MTUS2: variants seen among roughly 807,000 people sequenced by gnomAD.
MTUS2 encodes microtubule associated scaffold protein 2, also known as microtubule-associated tumor suppressor candidate 2.
In MTUS2, 40 loss-of-function variants were observed where a neutral mutation model predicts 114.1. The ratio of observed to expected loss-of-function variants is 0.35; its 90% CI spans 0.27 to 0.46. The LOEUF (loss-of-function observed/expected upper bound fraction) is 0.46, where lower values mean the gene tolerates loss of function less well. MTUS2 is among the 20% of genes least tolerant of loss of function. The pLI, the probability that MTUS2 is intolerant of heterozygous loss-of-function variation, is 1.00. For synonymous variants in MTUS2, 688 were observed against 672.0 expected (o/e 1.02, Z -0.37); for missense variants, 1,679 against 1,705.4 (o/e 0.98, Z 0.27).
intron 5 of MTUS2, among the ~76,000 whole-genome samples, chr13:29,228,065 C>T (rs183347577): frequency 2.6e-5 from 4 of 152,106 alleles, no homozygotes; most frequent in African/African-American, 7.2e-5. Context: ...CAATCTTACT[C>T]CTAAGAATCT....
chr13:29,504,602 A>C lies in MTUS2; in HGVS notation c.*1396A>C, dbSNP rs2139038685. Reference sequence around the variant, plus strand: ...AGGGGGCACCAGCTCCTGGACTGGCATCTGTCTCTAAAATGGTAGAATTAG... The same window carrying C: ...AGGGGGCACCAGCTCCTGGACTGGCCTCTGTCTCTAAAATGGTAGAATTAG... On this transcript the variant is annotated 3_prime_UTR_variant, in exon 16 of 16. Transcript: ENST00000612955. 1 of 233,062 alleles carries C rather than the reference A, an allele frequency of 4.3e-6. No homozygotes were observed. Among genetic ancestry groups the C allele is most frequent in the East Asian group, 6.0e-5 (1 of 16,554 alleles). 14.4% of individuals were successfully genotyped at this position (233,062 alleles called of 1,614,324 possible).
At chr13:29,205,241 A>G (rs1895133239) in intron 5 of MTUS2, among the ~76,000 whole-genome samples, 1 of 152,168 alleles carries the variant, frequency 6.6e-6, no homozygotes, top group Admixed American at 6.5e-5. Context: ...TGATAATGTC[A>G]CTTTTTGCAA....
At chr13:29,374,930 A>AAAAAT (rs59319980) in intron 8 of MTUS2, among the ~76,000 whole-genome samples, 30,746 of 151,886 alleles carry the variant, frequency 0.2, 3,192 homozygotes, top group Middle Eastern at 0.25. Flanking sequence ...CTGTCTCAAA[A>AAAAAT]AAAATAAAAT....
chr13:29,369,640 A>G (rs1397724522), intron 8 of MTUS2, among the ~76,000 whole-genome samples: 1 of 152,266 alleles, frequency 6.6e-6, no homozygotes, highest in Non-Finnish European at 1.5e-5. Context: ...CACAAACCTA[A>G]CAGTAAAAGT....
chr13:29,198,981 G>A (rs1364215308), intron 5 of MTUS2, among the ~76,000 whole-genome samples: 1 of 152,064 alleles, frequency 6.6e-6, no homozygotes, highest in African/African-American at 2.4e-5. Flanking sequence ...AGATGATGGG[G>A]TTTTCTAAAT....
chr13:29,247,643 G>A (rs1442404771), intron 5 of MTUS2, among the ~76,000 whole-genome samples: 1 of 151,918 alleles, frequency 6.6e-6, no homozygotes, highest in Non-Finnish European at 1.5e-5. Flanking sequence ...ACAAACATAC[G>A]AAAAAATGCT....
chr13:29,043,701 C>T (rs939595232), intron 4 of MTUS2, among the ~76,000 whole-genome samples: 7 of 22,664 alleles, frequency 3.1e-4, no homozygotes, highest in African/African-American at 7.1e-4. Context: ...ATATAATCTT[C>T]CTGTTTGTCT....
intron 9 of MTUS2, among the ~76,000 whole-genome samples, chr13:29,465,595 G>T (rs1411899237): frequency 6.6e-6 from 1 of 152,084 alleles, no homozygotes; most frequent in Non-Finnish European, 1.5e-5. Context: ...TCCTGCCCTG[G>T]GGTCTGGGTG....
At chr13:29,359,240 G>C in intron 7 of MTUS2, 22 bp from the exon 8 acceptor site, 1 of 1,570,902 alleles carries the variant, frequency 6.4e-7, no homozygotes, top group Non-Finnish European at 8.6e-7. Context: ...AGGTGACCGG[G>C]GTTTGGTTTT....
intron 6 of MTUS2, among the ~76,000 whole-genome samples, chr13:29,301,220 A>G (rs1899191658): frequency 6.6e-6 from 1 of 152,102 alleles, no homozygotes; most frequent in African/African-American, 2.4e-5. Flanking sequence ...TGGGCCTGTT[A>G]TTCTCTTGCC....
chr13:28,981,873 C>A (rs540786307), intron 2 of MTUS2, among the ~76,000 whole-genome samples: 1 of 152,308 alleles, frequency 6.6e-6, no homozygotes, highest in East Asian at 1.9e-4. Flanking sequence ...CATTGTGTCA[C>A]CCCGAGGCTC....
At chr13:29,199,178 C>T (rs1397673784) in intron 5 of MTUS2, among the ~76,000 whole-genome samples, 1 of 152,110 alleles carries the variant, frequency 6.6e-6, no homozygotes, top group Admixed American at 6.6e-5. Flanking sequence ...CATCATGCTA[C>T]CTGACTTGAA....
intron 5 of MTUS2, among the ~76,000 whole-genome samples, chr13:29,209,268 G>A (rs553009076): frequency 6.6e-6 from 1 of 152,180 alleles, no homozygotes; most frequent in Non-Finnish European, 1.5e-5. Context: ...GTGTCCATTT[G>A]CATGGAATAT....
intron 8 of MTUS2, among the ~76,000 whole-genome samples, chr13:29,402,100 A>G (rs1874393495): frequency 6.6e-6 from 1 of 152,126 alleles, no homozygotes; most frequent in Admixed American, 6.6e-5. Context: ...AGTTCTGTGC[A>G]TTTCTGGATA....
At chr13:29,236,967 G>T (rs1896558442) in intron 5 of MTUS2, among the ~76,000 whole-genome samples, 1 of 152,128 alleles carries the variant, frequency 6.6e-6, no homozygotes, top group African/African-American at 2.4e-5. Flanking sequence ...ACAGAGAAAA[G>T]AATCAACTTA....
chr13:29,267,407 C>T (rs1285263070), intron 5 of MTUS2, among the ~76,000 whole-genome samples: 1 of 152,148 alleles, frequency 6.6e-6, no homozygotes, highest in Non-Finnish European at 1.5e-5. Context: ...CATAACAAAT[C>T]ACAGTGTGTG....
intron 5 of MTUS2, among the ~76,000 whole-genome samples, chr13:29,163,961 C>T (rs1893208591): frequency 6.6e-6 from 1 of 152,122 alleles, no homozygotes; most frequent in African/African-American, 2.4e-5. Context: ...AGCTCGAGCG[C>T]CCTTTTGCTA....
rs557648530 is a variant in MTUS2, at chr13:29,178,695, T to G, written c.2644+77725T>G. Among the ~76,000 whole-genome samples, 6 of 150,316 alleles carry G rather than the reference T, an allele frequency of 4.0e-5. No individual in the cohort carries two copies. In the East Asian group the frequency reaches 1.2e-3, roughly 29 times the overall value. ...GACAGAATTATTAAAAAAAAAAAAA[T>G]TTTTTTCTCAATAGAAATGTATTTA... is the stretch of plus-strand genomic sequence containing the variant. On this transcript the variant is annotated intron_variant, in intron 5 of 15. Coordinates refer to ENST00000612955, the MANE Select transcript of MTUS2 (RefSeq NM_001033602.4).
intron 6 of MTUS2, among the ~76,000 whole-genome samples, chr13:29,287,340 A>T (rs1898531396): frequency 1.3e-5 from 2 of 152,170 alleles, no homozygotes; most frequent in Admixed American, 1.3e-4. Flanking sequence ...TCTCTTTGAG[A>T]TTACCCGGTT....
Sources: gnomAD v4.1 joint callset for allele counts (sites outside exome capture counted in the v4.1 genomes callset) on GRCh38, gnomAD v4.1.1 for gene constraint, MANE v1.5 for transcripts, NCBI Gene and HGNC (gene_info 2026-07-23, HGNC 2026-07-21) for gene names.